The following B3GALT1 variants were observed in gnomAD, a reference collection of about 807,000 sequenced individuals.
B3GALT1 encodes UDP-Gal:betaGlcNAc beta 1,3-galactosyltransferase, polypeptide 1.
A neutral mutation model predicts 23.2 loss-of-function variants in B3GALT1; 10 were observed. The observed-to-expected ratio is 0.43, with a 90% confidence interval of 0.27 to 0.73. B3GALT1 has a LOEUF of 0.73. Among genes scored for constraint, B3GALT1 ranks in the 30% least tolerant of loss-of-function variants. B3GALT1 has a pLI of 0.21. For synonymous variants in B3GALT1, 156 were observed against 141.5 expected (o/e 1.10, Z -0.73); for missense variants, 299 against 405.4 (o/e 0.74, Z 2.25).
rs117348831 is a variant in B3GALT1, at chr2:167,681,943, T to C, written c.-352+34977T>C. 1.1e-4 allele frequency among the ~76,000 whole-genome samples: 17 copies of C among 152,362 alleles called. No individual in the cohort carries two copies. The East Asian group carries it at 3.3e-3, about 29-fold the overall frequency. On this transcript the variant is annotated intron_variant, in intron 3 of 4. Coordinates refer to ENST00000392690, the MANE Select transcript of B3GALT1 (RefSeq NM_020981.4). ...GTCCCACTTCTGTGAAGTGATGTCA[T>C]TAAGGCAAATCATATTAAATCAGTT...
At chr2:167,640,881 A>G (rs1259802912) in intron 2 of B3GALT1, among the ~76,000 whole-genome samples, 1 of 152,144 alleles carries the variant, frequency 6.6e-6, no homozygotes, top group African/African-American at 2.4e-5. Context: ...CATCCCATAA[A>G]TGAACATTCG....
intron 3 of B3GALT1, among the ~76,000 whole-genome samples, chr2:167,677,950 C>A (rs558246641): frequency 6.6e-6 from 1 of 152,300 alleles, no homozygotes; most frequent in South Asian, 2.1e-4. Flanking sequence ...CATCCACTAT[C>A]ATGATAACAG....
intron 2 of B3GALT1, among the ~76,000 whole-genome samples, chr2:167,502,135 T>C (rs945383675): frequency 6.6e-6 from 1 of 152,214 alleles, no homozygotes; most frequent in African/African-American, 2.4e-5. Context: ...GTTTACATTT[T>C]AGTAGGGCAG....
chr2:167,394,897 C>G (rs1698072084), intron 1 of B3GALT1, among the ~76,000 whole-genome samples: 1 of 152,120 alleles, frequency 6.6e-6, no homozygotes, highest in African/African-American at 2.4e-5. Flanking sequence ...ATGTCTGTAT[C>G]TGTTATCTTA....
At chr2:167,687,741 A>G (rs530625738) in intron 3 of B3GALT1, among the ~76,000 whole-genome samples, 1 of 152,156 alleles carries the variant, frequency 6.6e-6, no homozygotes, top group Non-Finnish European at 1.5e-5. Flanking sequence ...GTTTTTCACC[A>G]TTTAAATGAA....
intron 3 of B3GALT1, among the ~76,000 whole-genome samples, chr2:167,711,858 C>G (rs1342299699): frequency 6.6e-6 from 1 of 152,072 alleles, no homozygotes; most frequent in Non-Finnish European, 1.5e-5. Context: ...GTCTCAGCTA[C>G]TTGGGAGGCT....
chr2:167,747,154 T>G (rs934670391), intron 3 of B3GALT1, among the ~76,000 whole-genome samples: 1 of 152,166 alleles, frequency 6.6e-6, no homozygotes, highest in Non-Finnish European at 1.5e-5. Context: ...GACTTGATTA[T>G]TCATGGTGAT....
intron 1 of B3GALT1, among the ~76,000 whole-genome samples, chr2:167,445,203 A>C (rs1256253079): frequency 6.6e-6 from 1 of 152,150 alleles, no homozygotes; most frequent in African/African-American, 2.4e-5. Context: ...CCTGAGTTCT[A>C]GTTTGATTGC....
At chr2:167,587,257 A>T (rs1221240883) in intron 2 of B3GALT1, among the ~76,000 whole-genome samples, 1 of 152,166 alleles carries the variant, frequency 6.6e-6, no homozygotes, top group African/African-American at 2.4e-5. Context: ...AGGAAGTATT[A>T]TTCAACATAT....
intron 3 of B3GALT1, among the ~76,000 whole-genome samples, chr2:167,808,584 T>G (rs1688811360): frequency 6.6e-6 from 1 of 152,028 alleles, no homozygotes; most frequent in Non-Finnish European, 1.5e-5. Context: ...TTGAAAATTC[T>G]TTTCTTTAAG....
At chr2:167,774,485 G>GTTTTTT (rs767692581) in intron 3 of B3GALT1, among the ~76,000 whole-genome samples, 11 of 105,176 alleles carry the variant, frequency 1.0e-4, no homozygotes, top group Non-Finnish European at 1.6e-4. Flanking sequence ...TTTTTTTTTT[G>GTTTTTT]TTTTTTTTTT....
chr2:167,411,618 G>T (rs1337822796), intron 1 of B3GALT1, among the ~76,000 whole-genome samples: 1 of 152,170 alleles, frequency 6.6e-6, no homozygotes, highest in East Asian at 1.9e-4. Flanking sequence ...CTGTTGGTGG[G>T]AATGTAAATT....
intron 1 of B3GALT1, among the ~76,000 whole-genome samples, chr2:167,295,801 GTA>G (rs1335861658): frequency 2.7e-5 from 4 of 147,642 alleles, no homozygotes; most frequent in African/African-American, 1.0e-4. Context: ...GTGTGTGTGT[GTA>G]TGGAACTTTT....
chr2:167,422,361 A>G (rs989604320), intron 1 of B3GALT1, among the ~76,000 whole-genome samples: 2 of 152,158 alleles, frequency 1.3e-5, no homozygotes, highest in African/African-American at 2.4e-5. Flanking sequence ...TTGACTTTCT[A>G]GCCTCCAGAA....
chr2:167,612,542 T>G (rs1472614350), intron 2 of B3GALT1, among the ~76,000 whole-genome samples: 1 of 151,884 alleles, frequency 6.6e-6, no homozygotes, highest in Non-Finnish European at 1.5e-5. Flanking sequence ...AGCTGTATAC[T>G]TGATTTGCAT....
At chr2:167,518,428 A>AT (rs1414628217) in intron 2 of B3GALT1, among the ~76,000 whole-genome samples, 1 of 152,186 alleles carries the variant, frequency 6.6e-6, no homozygotes, top group African/African-American at 2.4e-5. Flanking sequence ...AAATGTAAAA[A>AT]TTGATTTAAA....
At chr2:167,419,226 T>C (rs1216140240) in intron 1 of B3GALT1, among the ~76,000 whole-genome samples, 1 of 152,224 alleles carries the variant, frequency 6.6e-6, no homozygotes, top group African/African-American at 2.4e-5. Flanking sequence ...TGAGAACTAC[T>C]GTGATTTCAA....
intron 3 of B3GALT1, among the ~76,000 whole-genome samples, chr2:167,707,392 C>G (rs888150011): frequency 2.6e-5 from 4 of 152,154 alleles, no homozygotes; most frequent in African/African-American, 4.8e-5. Flanking sequence ...CACAATTTTA[C>G]TATCTTTCCA....
chr2:167,635,085 C>G (rs1310881843), intron 2 of B3GALT1, among the ~76,000 whole-genome samples: 1 of 152,064 alleles, frequency 6.6e-6, no homozygotes, highest in African/African-American at 2.4e-5. Flanking sequence ...ATAAACAGAA[C>G]CAATGACAAA....
Sources: gnomAD v4.1 joint callset for allele counts (sites outside exome capture counted in the v4.1 genomes callset) on GRCh38, gnomAD v4.1.1 for gene constraint, MANE v1.5 for transcripts, NCBI Gene and HGNC (gene_info 2026-07-23, HGNC 2026-07-21) for gene names.